Variants in LRRC9 observed in about 807,000 individuals in gnomAD.
LRRC9 encodes the protein leucine-rich repeat-containing protein 9.
In LRRC9, 122 loss-of-function variants were observed where a neutral mutation model predicts 63.2. The observed-to-expected ratio is 1.93, with a 90% confidence interval of 1.67 to 2.24. LRRC9 has a LOEUF of 2.24. Among genes scored for constraint, LRRC9 ranks in the 30% most tolerant of loss-of-function variants. The pLI, the probability that LRRC9 is intolerant of heterozygous loss-of-function variation, is 0.00. For missense variants in LRRC9, 1,071 were observed against 627.7 expected (o/e 1.71, Z -7.55); for synonymous variants, 366 against 213.1 (o/e 1.72, Z -6.25).
At chr14:60,057,729 T>G (rs1215343310) in intron 30 of LRRC9, 149 bp from the exon 31 acceptor site, 1 of 423,274 alleles carries the variant, frequency 2.4e-6, no homozygotes. Context: ...TTACAGGTTT[T>G]ACCTAGTACC....
At chr14:60,040,447 T>C (rs917178276) in intron 29 of LRRC9, among the ~76,000 whole-genome samples, 1 of 152,008 alleles carries the variant, frequency 6.6e-6, no homozygotes, top group African/African-American at 2.4e-5. Flanking sequence ...GGTGCTCCTG[T>C]ATTGGGTGCA....
intron 13 of LRRC9, among the ~76,000 whole-genome samples, chr14:59,976,130 A>G (rs1886257750): frequency 6.6e-6 from 1 of 152,232 alleles, no homozygotes; most frequent in South Asian, 2.1e-4. Context: ...TTGTCTCCCA[A>G]CACCCCCAGA....
chr14:60,014,226 TTAAA>T (rs1298140900), intron 23 of LRRC9, among the ~76,000 whole-genome samples: 1 of 152,098 alleles, frequency 6.6e-6, no homozygotes, highest in African/African-American at 2.4e-5. Flanking sequence ...AATATTTGAC[TTAAA>T]TATTTTCACC....
At chr14:59,997,905 T>C (rs1888967330) in intron 18 of LRRC9, 58 bp downstream of exon 18, 3 of 610,516 alleles carry the variant, frequency 4.9e-6, no homozygotes, top group Non-Finnish European at 8.8e-6. Context: ...GCCATTTCCC[T>C]ACTAACTTTA....
chr14:60,035,715 C>T (rs1595076751), intron 29 of LRRC9, among the ~76,000 whole-genome samples: 1 of 152,236 alleles, frequency 6.6e-6, no homozygotes, highest in Non-Finnish European at 1.5e-5. Flanking sequence ...GTTTTTAATG[C>T]CAGCTCCATG....
intron 20 of LRRC9, among the ~76,000 whole-genome samples, chr14:60,002,479 T>G (rs1889461970): frequency 6.6e-6 from 1 of 152,124 alleles, no homozygotes; most frequent in South Asian, 2.1e-4. Flanking sequence ...TTTGACTATT[T>G]TAGAGTTCAT....
intron 17 of LRRC9, among the ~76,000 whole-genome samples, chr14:59,985,577 GA>G (rs1887380926): frequency 1.3e-5 from 2 of 151,946 alleles, no homozygotes; most frequent in Non-Finnish European, 2.9e-5. Flanking sequence ...AAAATAAAAA[GA>G]AAAAACTTTG....
Position 59,953,779 on chromosome 14 carries a change from T to A in LRRC9, c.883-6039T>A, listed in dbSNP as rs879647967. ...GTATTGCCTAGGTTTTCTTCTAGGG[T>A]TTTTATGGTTTTGGGTTTTACATTT... On this transcript the variant is annotated intron_variant, in intron 8 of 31. Transcript: ENST00000445360. 5.3e-5 allele frequency among the ~76,000 whole-genome samples: 8 copies of A among 152,282 alleles called. No individual in the cohort carries two copies. In the South Asian group the frequency reaches 8.3e-4, roughly 16 times the overall value.
intron 7 of LRRC9, among the ~76,000 whole-genome samples, chr14:59,939,632 G>A (rs893773090): frequency 2.0e-5 from 3 of 151,958 alleles, no homozygotes; most frequent in Non-Finnish European, 4.4e-5. Flanking sequence ...GAACCTATAT[G>A]GGTTTACTGA....
rs1415630756 is a variant in LRRC9 at position 59,927,640 on chromosome 14, TGAAGGCTCATC to T, written c.-33-269_-33-259del. 6.6e-6 allele frequency among the ~76,000 whole-genome samples: 1 copy of T among 151,050 alleles called. No homozygotes were observed. The highest frequency in any genetic ancestry group is 1.5e-5 in the Non-Finnish European group (1 of 67,538). Reference sequence around the variant, plus strand: ...AGAGATGACCATTTTCTTCAAGTATTGAAGGCTCATCGTGTGGAAAAAAAGTTATACCGAGG... The same window carrying T: ...AGAGATGACCATTTTCTTCAAGTATTGTGTGGAAAAAAAGTTATACCGAGG... On this transcript the variant is annotated intron_variant, in intron 1 of 31. Coordinates refer to ENST00000445360, the Ensembl canonical transcript of LRRC9. The surrounding 1 kb of genome is among the most constrained non-coding windows in gnomAD (Gnocchi z 4.4).
intron 19 of LRRC9, among the ~76,000 whole-genome samples, chr14:59,999,848 A>T (rs1259499242): frequency 6.6e-6 from 1 of 152,070 alleles, no homozygotes; most frequent in East Asian, 1.9e-4. Flanking sequence ...TTGATAAAAA[A>T]TAATAATAAC....
At chr14:60,041,699 G>T (rs1892958342) in intron 29 of LRRC9, among the ~76,000 whole-genome samples, 1 of 152,042 alleles carries the variant, frequency 6.6e-6, no homozygotes, top group South Asian at 2.1e-4. Flanking sequence ...CCCTCTTTTA[G>T]CTCGGATAAG....
chr14:60,055,706 A>T (rs1401510163), intron 30 of LRRC9, among the ~76,000 whole-genome samples: 1 of 150,956 alleles, frequency 6.6e-6, no homozygotes, highest in Non-Finnish European at 1.5e-5. Flanking sequence ...CAGCCTGGGG[A>T]ACATGGCAAA....
chr14:59,952,350 G>A (rs1188011326), intron 8 of LRRC9, among the ~76,000 whole-genome samples: 1 of 152,226 alleles, frequency 6.6e-6, no homozygotes, highest in Non-Finnish European at 1.5e-5. Context: ...GCCTCGCCTT[G>A]CTTCGGCTCG....
intron 29 of LRRC9, among the ~76,000 whole-genome samples, chr14:60,045,836 TGAA>T (rs1893373961): frequency 6.6e-6 from 1 of 152,202 alleles, no homozygotes. Flanking sequence ...TCTACGTCTT[TGAA>T]GAATTGCCAC....
chr14:59,972,879 A>G (rs1283969563), intron 12 of LRRC9, among the ~76,000 whole-genome samples: 2 of 152,234 alleles, frequency 1.3e-5, no homozygotes, highest in East Asian at 1.9e-4. Context: ...GACAACAGAA[A>G]ATACTGGTTA....
In LRRC9 at chr14:60,060,541, C is replaced by T. The variant is rs1894587466; in HGVS notation, c.4276+2519C>T. Among the ~76,000 whole-genome samples, 1 of 152,086 alleles carries T rather than the reference C, an allele frequency of 6.6e-6. No individual in the cohort carries two copies. The highest frequency in any genetic ancestry group is 6.5e-5 in the Admixed American group (1 of 15,274). ...AGATCACGAGGTCAGGAGATCGAGA[C>T]CATCCTGGCTAACACGGTGAAACCC... is the stretch of plus-strand genomic sequence containing the variant. On this transcript the variant is annotated intron_variant, in intron 31 of 31. Coordinates refer to ENST00000445360, the Ensembl canonical transcript of LRRC9. The surrounding 1 kb of genome is among the most constrained non-coding windows in gnomAD (Gnocchi z 4.0).
intron 6 of LRRC9, among the ~76,000 whole-genome samples, chr14:59,937,788 T>C (rs1024819373): frequency 6.6e-6 from 1 of 152,056 alleles, no homozygotes; most frequent in Non-Finnish European, 1.5e-5. Context: ...TATCAATCCC[T>C]CCTCATCCAT....
At chr14:59,984,188 G>A (rs1344736744) in intron 16 of LRRC9, among the ~76,000 whole-genome samples, 1 of 152,210 alleles carries the variant, frequency 6.6e-6, no homozygotes, top group East Asian at 1.9e-4. Flanking sequence ...ATATATCATG[G>A]ATGATACCCA....
Sources: gnomAD v4.1 joint callset for allele counts (sites outside exome capture counted in the v4.1 genomes callset) on GRCh38, gnomAD v4.1.1 for gene constraint, Gnocchi (gnomAD v3.1) non-coding constraint, MANE v1.5 for transcripts, NCBI Gene and HGNC (gene_info 2026-07-23, HGNC 2026-07-21) for gene names.